The following HORMAD1 variants were observed in gnomAD, a reference collection of about 807,000 sequenced individuals.
HORMAD1 encodes the protein HORMA domain-containing protein 1.
HORMAD1 carries 33 observed loss-of-function variants against 58.2 expected under a neutral mutation model. The observed-to-expected ratio is 0.57, with a 90% CI of 0.43 to 0.76. HORMAD1 has a LOEUF of 0.76. Ranked by LOEUF, HORMAD1 falls within the 30% of genes least tolerant of loss-of-function variation. HORMAD1 has a pLI of 0.00. For missense variants in HORMAD1, 363 were observed against 462.0 expected, an observed-to-expected ratio of 0.79 and a Z score of 1.96; for synonymous variants, 137 against 144.6, an observed-to-expected ratio of 0.95 and a Z score of 0.38.
At chr1:150,711,702 T>G in intron 6 of HORMAD1, 131 bp from the exon 7 acceptor site, 1 of 933,042 alleles carries the variant, frequency 1.1e-6, no homozygotes, top group Non-Finnish European at 1.7e-6. Flanking sequence ...AATATTACTT[T>G]TTCATTCCAT....
intron 6 of HORMAD1, 24 bp from the exon 7 acceptor site, chr1:150,711,595 G>A: frequency 6.4e-7 from 1 of 1,566,696 alleles, no homozygotes; most frequent in Non-Finnish European, 8.8e-7. Flanking sequence ...ATTTACAATT[G>A]AGTTATCTAA....
At chr1:150,717,034 G>A in intron 3 of HORMAD1, 104 bp downstream of exon 3, 1 of 593,850 alleles carries the variant, frequency 1.7e-6, no homozygotes, top group Non-Finnish European at 2.8e-6. Context: ...TATTAATAAA[G>A]CTTCTATTAA....
intron 4 of HORMAD1, among the ~76,000 whole-genome samples, chr1:150,714,411 T>C (rs1330912284): frequency 6.6e-6 from 1 of 152,076 alleles, no homozygotes; most frequent in Non-Finnish European, 1.5e-5. Context: ...AAAGAAACAT[T>C]TATTTTTAAA....
intron 3 of HORMAD1, among the ~76,000 whole-genome samples, chr1:150,716,857 T>G (rs1318160156): frequency 1.4e-5 from 2 of 146,684 alleles, no homozygotes; most frequent in African/African-American, 5.1e-5. Context: ...CAGCTACTCG[T>G]GAGGCTGAAG....
In HORMAD1 at chr1:150,704,299, G is replaced by A. The variant is rs144143157; in HGVS notation, c.849C>T (p.Asn283=). The A allele has an allele frequency of 2.0e-5, 32 of 1,591,868 alleles. No homozygotes were observed. The African/African-American group carries it at 2.9e-4, about 14-fold the overall frequency. The stretch of plus-strand genomic sequence containing the variant: ...TACCTTCAAGTTCAGAAGATGCAGG[G>A]TTTTTTTCCTGTTCTTCCATTTTAG... ...IETKMEEQEK[N]PASSELEEPS... is the part of the protein sequence containing the mutation. The change falls in exon 11 of 15, where the codon AAC becomes AAT. Residue 283 remains asparagine, a synonymous_variant. Transcript: ENST00000361824.
At chr1:150,698,919 C>T (rs949207817) in intron 14 of HORMAD1, 185 bp from the exon 15 acceptor site, 1 of 448,090 alleles carries the variant, frequency 2.2e-6, no homozygotes, top group African/African-American at 2.0e-5. Flanking sequence ...CTTCCAATGG[C>T]TGCTGAAAGT....
At chr1:150,716,000 G>T (rs1183108587) in intron 3 of HORMAD1, among the ~76,000 whole-genome samples, 2 of 151,608 alleles carry the variant, frequency 1.3e-5, no homozygotes, top group Non-Finnish European at 2.9e-5. Flanking sequence ...GAACCCAAAT[G>T]TTCATCAACT....
intron 10 of HORMAD1, among the ~76,000 whole-genome samples, chr1:150,705,074 A>C (rs945449329): frequency 2.0e-5 from 3 of 152,086 alleles, no homozygotes; most frequent in African/African-American, 7.2e-5. Flanking sequence ...CAAAACAAAC[A>C]AACCAGAAAA....
At chr1:150,706,382 T>A (rs1425311579) in intron 10 of HORMAD1, among the ~76,000 whole-genome samples, 171 bp downstream of exon 10, 2 of 152,318 alleles carry the variant, frequency 1.3e-5, no homozygotes, top group African/African-American at 4.8e-5. Context: ...TTGTTTGGGC[T>A]AAGTAAAAAG....
chr1:150,711,913 G>A (rs1651916692), intron 5 of HORMAD1, 60 bp from the exon 6 acceptor site: 4 of 1,088,256 alleles, frequency 3.7e-6, no homozygotes, highest in African/African-American at 1.6e-5. Flanking sequence ...TTTTCATTAC[G>A]AATCATAAGA....
At chr1:150,716,180 TTG>T (rs1344712204) in intron 3 of HORMAD1, among the ~76,000 whole-genome samples, 15 of 127,076 alleles carry the variant, frequency 1.2e-4, no homozygotes, top group African/African-American at 3.5e-4. Context: ...TTTTTTTTTT[TTG>T]AGACTGAGTC....
chr1:150,718,770 G>A (rs1652166496), intron 2 of HORMAD1, among the ~76,000 whole-genome samples: 1 of 152,132 alleles, frequency 6.6e-6, no homozygotes, highest in East Asian at 1.9e-4. Context: ...GACTACAGGC[G>A]TGAGCCACCG....
At position 150,708,244 on chromosome 1, in the gene HORMAD1, T is replaced by G; in HGVS notation, c.547+12A>C. On this transcript the variant is annotated intron_variant, in intron 9 of 14. Transcript: ENST00000361824. ...ATGTACCAACTGAAACAGGATGTAT[T>G]GCAAATAGTACCTTCATCATAGTAA... The G allele has an allele frequency of 6.3e-7, 1 of 1,577,572 alleles. No individual in the cohort carries two copies. The highest frequency in any genetic ancestry group is 8.6e-7 in the Non-Finnish European group (1 of 1,161,282).
chr1:150,717,345 C>CT (rs1181248508), intron 2 of HORMAD1, 63 bp from the exon 3 acceptor site: 1 of 1,076,796 alleles, frequency 9.3e-7, no homozygotes, highest in Non-Finnish European at 1.3e-6. Context: ...TTTCTCTTGA[C>CT]TTAACATATA....
intron 13 of HORMAD1, among the ~76,000 whole-genome samples, chr1:150,702,870 C>G (rs890063486): frequency 6.6e-6 from 1 of 152,062 alleles, no homozygotes; most frequent in Non-Finnish European, 1.5e-5. Context: ...CAAACCTGCA[C>G]GTCCTGCACA....
chr1:150,718,414 G>T (rs182814747), intron 2 of HORMAD1, among the ~76,000 whole-genome samples: 1 of 144,818 alleles, frequency 6.9e-6, no homozygotes, highest in Non-Finnish European at 1.5e-5. Context: ...AAACTCTTGC[G>T]CTCAAGCAAT....
intron 1 of HORMAD1, among the ~76,000 whole-genome samples, chr1:150,720,065 C>CACCACAGCCAGCAAAT (rs58677366): frequency 6.7e-6 from 1 of 149,998 alleles, no homozygotes; most frequent in African/African-American, 2.5e-5. Context: ...AGGTGCCCAC[C>CACCACAGCCAGCAAAT]ATATATATAT....
In HORMAD1 at chr1:150,706,762, C is replaced by T; in HGVS notation, c.595G>A (p.Glu199Lys). The change falls in exon 10 of 15, where the codon GAA (glutamate) becomes AAA (lysine). Residue 199 changes from glutamate to lysine, a missense_variant. Glu to Lys is a moderately conservative substitution (Grantham distance 56). Coordinates refer to ENST00000361824, the MANE Select transcript of HORMAD1 (RefSeq NM_032132.5). ...GGTTCCCCTTCAAATATAACTCCTT[C>T]ACAATCACCATCCTTAAAACCGGGA... ...QPPGFKDGDCEGVIFEGEPMY... is the reference protein window; with the variant it reads ...QPPGFKDGDCKGVIFEGEPMY... 2 of 1,613,450 alleles carry T rather than the reference C, an allele frequency of 1.2e-6. No individual in the cohort carries two copies. Among genetic ancestry groups the T allele is most frequent in the South Asian group, 1.1e-5 (1 of 91,042 alleles).
chr1:150,710,096 C>A (rs587761208), intron 7 of HORMAD1, among the ~76,000 whole-genome samples: 1 of 152,274 alleles, frequency 6.6e-6, no homozygotes, highest in South Asian at 2.1e-4. Context: ...GAGCGCCGGT[C>A]CCCTGGGCCT....
Sources: allele counts gnomAD v4.1 joint callset (sites outside exome capture counted in the v4.1 genomes callset), GRCh38; gene constraint gnomAD v4.1.1; transcripts MANE v1.5; gene names NCBI Gene and HGNC (gene_info 2026-07-23, HGNC 2026-07-21).